Variants in TCF7L2 observed in about 807,000 individuals in gnomAD.
TCF7L2 encodes the protein transcription factor 7 like 2.
TCF7L2 carries 23 observed loss-of-function variants against 77.9 expected under a neutral mutation model. The ratio of observed to expected loss-of-function variants is 0.30; its 90% CI spans 0.21 to 0.42. The LOEUF (loss-of-function observed/expected upper bound fraction) is 0.42, where lower values mean the gene tolerates loss of function less well. Ranked by LOEUF, TCF7L2 falls within the 10% of genes least tolerant of loss-of-function variation. TCF7L2 has a pLI of 1.00. For synonymous variants in TCF7L2, 413 were observed against 340.2 expected (o/e 1.21, Z -2.36); for missense variants, 654 against 793.1 (o/e 0.82, Z 2.11).
chr10:113,014,637 T>C (rs927864925), intron 4 of TCF7L2, among the ~76,000 whole-genome samples: 2 of 151,742 alleles, frequency 1.3e-5, no homozygotes, highest in Admixed American at 1.3e-4. Context: ...ATACATAAAT[T>C]AGCCAGGTGT....
intron 4 of TCF7L2, among the ~76,000 whole-genome samples, chr10:113,037,642 A>T (rs1170668859): frequency 6.6e-6 from 1 of 152,204 alleles, no homozygotes; most frequent in African/African-American, 2.4e-5. Context: ...TATTATGAGT[A>T]TGACAGTTCT....
intron 4 of TCF7L2, among the ~76,000 whole-genome samples, chr10:112,966,091 C>T (rs993144939): frequency 2.7e-5 from 4 of 150,854 alleles, no homozygotes; most frequent in Admixed American, 2.0e-4. Context: ...AGGAGAATCA[C>T]TTGAACCCGG....
chr10:113,144,132 G>GTA, intron 7 of TCF7L2, 107 bp downstream of exon 7: 6 of 758,492 alleles, frequency 7.9e-6, no homozygotes, highest in Non-Finnish European at 9.6e-6. Flanking sequence ...GTGTGTGTGT[G>GTA]TGTGTATGTG....
At chr10:113,059,096 TCAGA>T (rs1213310522) in intron 5 of TCF7L2, among the ~76,000 whole-genome samples, 1 of 152,086 alleles carries the variant, frequency 6.6e-6, no homozygotes, top group Non-Finnish European at 1.5e-5. Flanking sequence ...GGGCCATAAC[TCAGA>T]CAATTTGTCA....
rs35263806 is a variant in TCF7L2 at position 112,959,982 on chromosome 10, G to GT, written c.382-4563dup. ...ACTAACACCTCCTAGGAAATGATCT[G>GT]TTTTTTTTTTTAATATAGATAAGAG... On this transcript the variant is annotated intron_variant, in intron 3 of 13. Coordinates refer to ENST00000627217, the MANE Select transcript of TCF7L2 (RefSeq NM_001146274.2). 2.4e-3 allele frequency among the ~76,000 whole-genome samples: 367 copies of GT among 149,894 alleles called. 1 individual carries two copies. The highest frequency in any genetic ancestry group is 3.4e-3 in the East Asian group (17 of 5,074).
At chr10:112,976,769 A>G (rs906288203) in intron 4 of TCF7L2, among the ~76,000 whole-genome samples, 4 of 152,176 alleles carry the variant, frequency 2.6e-5, no homozygotes, top group Non-Finnish European at 5.9e-5. Flanking sequence ...TGAGTGTTCG[A>G]CCACTTTGTC....
rs955375295 is a variant in TCF7L2, at chr10:113,096,549, C to T, written c.553-44635C>T. On this transcript the variant is annotated intron_variant, in intron 5 of 13. Coordinates refer to ENST00000627217, the MANE Select transcript of TCF7L2 (RefSeq NM_001146274.2). ...ACGTCTCTGAAAGGCCATTTCAAACCGGTTTGCATTAAGAAAAATCAGTAG... is the reference window on the plus strand; with the variant it reads ...ACGTCTCTGAAAGGCCATTTCAAACTGGTTTGCATTAAGAAAAATCAGTAG... Among the ~76,000 whole-genome samples the T allele has an allele frequency of 3.9e-5, 6 of 152,096 alleles. No homozygotes were observed. In the East Asian group the frequency reaches 5.8e-4, roughly 15 times the overall value.
At chr10:113,076,594 A>G (rs1334224125) in intron 5 of TCF7L2, among the ~76,000 whole-genome samples, 3 of 152,250 alleles carry the variant, frequency 2.0e-5, no homozygotes, top group Non-Finnish European at 4.4e-5. Context: ...GAAAGGAACC[A>G]TCTATTGACA....
chr10:113,138,563 T>C (rs2067794183), intron 5 of TCF7L2, among the ~76,000 whole-genome samples: 1 of 152,190 alleles, frequency 6.6e-6, no homozygotes. Context: ...GCTTCTTTAC[T>C]GTAGACAGAT....
intron 5 of TCF7L2, among the ~76,000 whole-genome samples, chr10:113,102,819 A>G (rs1424704000): frequency 6.6e-6 from 1 of 152,198 alleles, no homozygotes; most frequent in East Asian, 1.9e-4. Flanking sequence ...AATACTATGC[A>G]TCATGTATTA....
At chr10:112,951,705 CCCCTCCCCGCCTCCTCCCCTCCCT>C (rs1394704877) in intron 3 of TCF7L2, 98 bp downstream of exon 3, 29 of 595,346 alleles carry the variant, frequency 4.9e-5, no homozygotes, top group Non-Finnish European at 5.8e-5. Context: ...TCCCCGCCTC[CCCCTCCCCGCCTCCTCCCCTCCCT>C]CCCTCCCCTC....
At chr10:113,160,112 T>G (rs866190448) in intron 12 of TCF7L2, 120 bp downstream of exon 14, 281 of 858,804 alleles carry the variant, frequency 3.3e-4, no homozygotes, top group Non-Finnish European at 4.6e-4. Flanking sequence ...CACAGGGGAG[T>G]GGGACACTGC....
intron 5 of TCF7L2, chr10:113,089,570 G>T: frequency 6.2e-7 from 1 of 1,610,428 alleles, no homozygotes; most frequent in Non-Finnish European, 8.5e-7. Context: ...CACGGTATGA[G>T]ATGAGCTAGC....
chr10:113,037,384 C>T (rs1436699213), intron 4 of TCF7L2, among the ~76,000 whole-genome samples: 1 of 152,150 alleles, frequency 6.6e-6, no homozygotes, highest in East Asian at 1.9e-4. Flanking sequence ...TGTCTTCCTG[C>T]ACCATCTGGA....
At chr10:113,042,542 A>T (rs1172441081) in intron 5 of TCF7L2, among the ~76,000 whole-genome samples, 1 of 152,136 alleles carries the variant, frequency 6.6e-6, no homozygotes, top group Non-Finnish European at 1.5e-5. Flanking sequence ...ATGAATGGTG[A>T]CTTTGGTTCT....
intron 5 of TCF7L2, among the ~76,000 whole-genome samples, chr10:113,053,011 C>G (rs1392627534): frequency 6.6e-6 from 1 of 152,158 alleles, no homozygotes; most frequent in Non-Finnish European, 1.5e-5. Flanking sequence ...ACCCATGATG[C>G]CTTCTTCCTG....
intron 4 of TCF7L2, among the ~76,000 whole-genome samples, chr10:113,008,334 A>G (rs2045920939): frequency 1.3e-5 from 2 of 152,136 alleles, no homozygotes; most frequent in Non-Finnish European, 2.9e-5. Context: ...GTCAGTGTCC[A>G]GCATCGTGAA....
chr10:113,157,520 T>G (rs1237361898), intron 11 of TCF7L2, among the ~76,000 whole-genome samples: 2 of 152,228 alleles, frequency 1.3e-5, no homozygotes, highest in African/African-American at 4.8e-5. Flanking sequence ...CTGCTAAAGC[T>G]TTCATTCTCT....
intron 5 of TCF7L2, among the ~76,000 whole-genome samples, chr10:113,063,695 G>T (rs1048733739): frequency 1.3e-5 from 2 of 152,110 alleles, no homozygotes; most frequent in African/African-American, 4.8e-5. Flanking sequence ...CCACACCCGG[G>T]TGATTCCTTG....
Sources: gnomAD v4.1 joint callset for allele counts (sites outside exome capture counted in the v4.1 genomes callset) on GRCh38, gnomAD v4.1.1 for gene constraint, MANE v1.5 for transcripts, NCBI Gene and HGNC (gene_info 2026-07-23, HGNC 2026-07-21) for gene names.